The following ISLR2 variants were observed in gnomAD, a reference collection of about 807,000 sequenced individuals.
The protein encoded by ISLR2 is immunoglobulin superfamily containing leucine rich repeat 2.
Under a neutral mutation model 25.5 loss-of-function variants are expected in ISLR2, and 16 were observed. The observed-to-expected ratio is 0.63, with a 90% CI of 0.43 to 0.95. ISLR2 has a LOEUF of 0.95. ISLR2 is among the 40% of genes least tolerant of loss of function. ISLR2 has a pLI of 0.00. For missense variants in ISLR2, 883 were observed against 1,030.7 expected (o/e 0.86, Z 1.96); for synonymous variants, 508 against 486.6 (o/e 1.04, Z -0.58).
Position 74,119,190 on chromosome 15 carries a change from A to T in ISLR2, n.229-12017A>T, listed in dbSNP as rs191772127. ...CACCCAATAGTGCTAAAGACACTAGAACTATTCCTTCTATCTAGCTGTACT... is the reference window on the plus strand; with the variant it reads ...CACCCAATAGTGCTAAAGACACTAGTACTATTCCTTCTATCTAGCTGTACT... On this transcript the variant is annotated intron_variant and non_coding_transcript_variant, in intron 2 of 3. Transcript: ENST00000561975. Among the ~76,000 whole-genome samples the T allele has an allele frequency of 1.4e-3, 209 of 152,120 alleles. 3 individuals carry two copies. Among genetic ancestry groups the T allele is most frequent in the Non-Finnish European group, 1.5e-3 (102 of 67,998 alleles).
At chr15:74,128,920 C>T (rs913849918), upstream of ISLR2, 2 of 427,452 alleles carry the variant, frequency 4.7e-6, no homozygotes, top group Admixed American at 5.4e-5. Flanking sequence ...CGCCGTCTGC[C>T]TCCTTCTCCC....
chr15:74,132,884 G>C lies in ISLR2; in HGVS notation c.130G>C (p.Glu44Gln), dbSNP rs2072455767. 6.2e-7 allele frequency: 1 copy of C among 1,614,004 alleles called. No individual in the cohort carries two copies. Among genetic ancestry groups the C allele is most frequent in the South Asian group, 1.1e-5 (1 of 91,092 alleles). ...FADCAYKELR[E>Q]VPEGLPANVT... is the part of the protein sequence containing the mutation. Reference sequence around the variant, plus strand: ...GGACTGCGCTTACAAAGAGTTGCGTGAGGTGCCGGAAGGACTGCCTGCCAA... The same window carrying C: ...GGACTGCGCTTACAAAGAGTTGCGTCAGGTGCCGGAAGGACTGCCTGCCAA... The change falls in exon 3 of 3, where the codon GAG becomes CAG. Residue 44 changes from glutamate (E) to glutamine (Q), a missense_variant. Coordinates refer to ENST00000453268, the MANE Select transcript of ISLR2 (RefSeq NM_020851.3). The surrounding 1 kb of genome is among the most constrained non-coding windows in gnomAD (Gnocchi z 4.3).
chr15:74,128,732 G>T, upstream of ISLR2: 1 of 447,436 alleles, frequency 2.2e-6, no homozygotes, highest in Non-Finnish European at 4.4e-6. Flanking sequence ...CCCTGGACAC[G>T]CCATGCCGGA....
chr15:74,125,540 A>G (rs947501434), upstream of ISLR2, among the ~76,000 whole-genome samples: 1 of 152,210 alleles, frequency 6.6e-6, no homozygotes, highest in Non-Finnish European at 1.5e-5. Flanking sequence ...TTGCTCAGCC[A>G]TGTTCCCCTT....
chr15:74,117,825 G>A (rs574646414), intron 2 of ISLR2, among the ~76,000 whole-genome samples: 1 of 152,308 alleles, frequency 6.6e-6, no homozygotes, highest in African/African-American at 2.4e-5. Context: ...TACCAATTAA[G>A]TTAATTACAT....
At chr15:74,118,644 C>CTATTATTATTAT (rs112112565) in intron 2 of ISLR2, among the ~76,000 whole-genome samples, 1,974 of 145,738 alleles carry the variant, frequency 0.014, 51 homozygotes, top group African/African-American at 0.046. Context: ...AAATCTGAAG[C>CTATTATTATTAT]TATTATTATT....
At chr15:74,126,255 C>T (rs1044337363), upstream of ISLR2, 1 of 151,528 alleles carries the variant, frequency 6.6e-6, no homozygotes, top group Non-Finnish European at 1.5e-5. Flanking sequence ...ATATAAAAAA[C>T]GTATCTCAAG....
In ISLR2 at chr15:74,134,450, G is replaced by A. The variant is rs770929143; in HGVS notation, c.1696G>A (p.Val566Met). 1.8e-5 allele frequency: 29 copies of A among 1,612,656 alleles called. No homozygotes were observed. The highest frequency in any genetic ancestry group is 2.2e-5 in the East Asian group (1 of 44,876). ...CCTGCGGCCGGGTACCAACTACTCC[G>A]TGTGCCTGGCGCTGGCGGGCGAAGC... ...RGLRPGTNYS[V>M]CLALAGEACH... The change falls in exon 3 of 3, where the codon GTG becomes ATG. Residue 566 changes from valine to methionine, a missense_variant. Physicochemically the swap from Val to Met is conservative, Grantham distance 21. This residue lies in a region of ISLR2 where 612 missense variants were observed against 642.8 expected (regional missense o/e 0.95). Coordinates refer to ENST00000453268, the MANE Select transcript of ISLR2 (RefSeq NM_020851.3).
Position 74,134,057 on chromosome 15 carries a change from C to T in ISLR2, c.1303C>T (p.Pro435Ser). The T allele has an allele frequency of 2.5e-6, 4 of 1,613,624 alleles. No individual in the cohort carries two copies. The African/African-American group carries it at 4.0e-5, about 16-fold the overall frequency. Residue 435 changes from proline (P) to serine (S), a missense_variant, in exon 3 of 3, where the codon CCG (proline) becomes TCG (serine). Pro to Ser is a moderately conservative substitution (Grantham distance 74, BLOSUM62 -1). Around this residue, in one of 2 missense-constraint regions of ISLR2, gnomAD observed 612 missense variants for 642.8 expected, o/e 0.95. Coordinates refer to ENST00000453268, the MANE Select transcript of ISLR2 (RefSeq NM_020851.3). Reference sequence around the variant, plus strand: ...CATTCTCGGGGAGACCGAGACGGAGCCGGAGGAGGACACAAGTGAGGGAGA... The same window carrying T: ...CATTCTCGGGGAGACCGAGACGGAGTCGGAGGAGGACACAAGTGAGGGAGA... ...VSILGETETE[P>S]EEDTSEGEEA...
chr15:74,106,048 G>A (rs561337943), intron 2 of ISLR2, among the ~76,000 whole-genome samples: 15 of 152,230 alleles, frequency 9.9e-5, no homozygotes, highest in Middle Eastern at 3.4e-3. Flanking sequence ...ATTTAAAACC[G>A]GGCTCCATGG....
At chr15:74,119,931 G>A (rs1282283852) in intron 2 of ISLR2, among the ~76,000 whole-genome samples, 1 of 152,182 alleles carries the variant, frequency 6.6e-6, no homozygotes, top group Non-Finnish European at 1.5e-5. Context: ...GAAACCCAAA[G>A]CCAAGCGTTT....
intron 2 of ISLR2, among the ~76,000 whole-genome samples, chr15:74,113,722 T>A (rs1206085442): frequency 6.6e-6 from 1 of 152,230 alleles, no homozygotes; most frequent in Non-Finnish European, 1.5e-5. Flanking sequence ...TCTTCCTTAA[T>A]CCTAAGGCAT....
chr15:74,117,912 C>G (rs112473448), intron 2 of ISLR2, among the ~76,000 whole-genome samples: 2 of 152,134 alleles, frequency 1.3e-5, no homozygotes, highest in Non-Finnish European at 2.9e-5. Flanking sequence ...ACTGACACCA[C>G]GAAGCCTGGT....
chr15:74,131,638 T>C (rs981064485), intron 2 of ISLR2, among the ~76,000 whole-genome samples: 1 of 152,176 alleles, frequency 6.6e-6, no homozygotes, highest in Non-Finnish European at 1.5e-5. Flanking sequence ...GCAGAATCTT[T>C]CATCTTCTCC....
intron 2 of ISLR2, among the ~76,000 whole-genome samples, chr15:74,122,836 CT>C: frequency 1.3e-5 from 2 of 152,224 alleles, no homozygotes; most frequent in South Asian, 4.2e-4. Context: ...ACCCCAGGAG[CT>C]TTGAGTCTGG....
At chr15:74,116,102 C>CA (rs2072208518) in intron 2 of ISLR2, among the ~76,000 whole-genome samples, 1 of 151,980 alleles carries the variant, frequency 6.6e-6, no homozygotes, top group African/African-American at 2.4e-5. Flanking sequence ...GAGGCTGAGG[C>CA]AGGAGGATCA....
chr15:74,132,661 G>T lies in ISLR2; in HGVS notation c.-8-86G>T. ...GAGCCCTGGAACTAGTGCTAAACGG[G>T]CTTGCGGAGGCACAGCTTGATAGGG... On this transcript the variant is annotated intron_variant, in intron 2 of 2. Coordinates refer to ENST00000453268, the MANE Select transcript of ISLR2 (RefSeq NM_020851.3). The surrounding 1 kb of genome is among the most constrained non-coding windows in gnomAD (Gnocchi z 4.3). 2.0e-6 allele frequency: 3 copies of T among 1,491,560 alleles called. No individual in the cohort carries two copies. The highest frequency in any genetic ancestry group is 2.7e-6 in the Non-Finnish European group (3 of 1,119,914). 92.4% of individuals were successfully genotyped at this position (1,491,560 alleles called of 1,614,324 possible).
At position 74,134,811 on chromosome 15, in the gene ISLR2, CA is replaced by C. The variant is rs2072532869; in HGVS notation, c.2059del (p.Ser687ValfsTer105). ...GLDEDAEQGD[P>X]SGDLQREESL... ...GATGAAGACGCGGAGCAGGGAGACC[CA>C]AGTGGGGACCTGCAGAGAGAGGAGA... On this transcript the variant is annotated frameshift_variant, in exon 3 of 3. Transcript: ENST00000453268. LOFTEE classifies it high-confidence loss of function. 1 of 1,613,984 alleles carries C rather than the reference CA, an allele frequency of 6.2e-7. No homozygotes were observed. Among genetic ancestry groups the C allele is most frequent in the African/African-American group, 1.3e-5 (1 of 74,922 alleles).
At chr15:74,117,912 C>T (rs112473448) in intron 2 of ISLR2, among the ~76,000 whole-genome samples, 5,129 of 152,244 alleles carry the variant, frequency 0.034, 120 homozygotes, top group Non-Finnish European at 0.053. Context: ...ACTGACACCA[C>T]GAAGCCTGGT....
Sources: allele counts gnomAD v4.1 joint callset (sites outside exome capture counted in the v4.1 genomes callset), GRCh38; gene constraint gnomAD v4.1.1; regional missense constraint gnomAD v4.1.1; non-coding constraint Gnocchi (gnomAD v3.1); transcripts MANE v1.5; gene names NCBI Gene and HGNC (gene_info 2026-07-23, HGNC 2026-07-21).